Variants in DLG2 observed in about 807,000 individuals in gnomAD.
DLG2 encodes the protein disks large homolog 2.
Under a neutral mutation model 132.5 loss-of-function variants are expected in DLG2, and 45 were observed. The ratio of observed to expected loss-of-function variants is 0.34; its 90% CI spans 0.27 to 0.44. The LOEUF (loss-of-function observed/expected upper bound fraction) is 0.44, where lower values mean the gene tolerates loss of function less well. DLG2 is among the 20% of genes least tolerant of loss of function. The pLI, the probability that DLG2 is intolerant of heterozygous loss-of-function variation, is 1.00. For synonymous variants in DLG2, 424 were observed against 419.6 expected, an observed-to-expected ratio of 1.01 and a Z score of -0.13; for missense variants, 1,045 against 1,196.9, an observed-to-expected ratio of 0.87 and a Z score of 1.87.
chr11:83,729,924 G>A (rs1227891226), intron 18 of DLG2, among the ~76,000 whole-genome samples: 2 of 152,132 alleles, frequency 1.3e-5, no homozygotes, highest in African/African-American at 2.4e-5. Context: ...ACACAATAAC[G>A]TCAGATCAGA....
At chr11:85,461,869 T>C (rs2092626145) in intron 3 of DLG2, among the ~76,000 whole-genome samples, 1 of 152,098 alleles carries the variant, frequency 6.6e-6, no homozygotes, top group Non-Finnish European at 1.5e-5. Flanking sequence ...ACAGGCAACC[T>C]ACAGAATGGG....
At position 84,252,967 on chromosome 11, in the gene DLG2, T is replaced by C. The variant is rs755007476; in HGVS notation, c.520-1676A>G. Among the ~76,000 whole-genome samples the C allele has an allele frequency of 9.9e-5, 15 of 152,278 alleles. No homozygotes were observed. The Middle Eastern group carries it at 0.01, about 104-fold the overall frequency. ...ATTCTGTGGAATCCTAATCAAATGA[T>C]AAAACAAATAGCAATCCAGCAGGTT... On this transcript the variant is annotated intron_variant, in intron 7 of 27. Coordinates refer to ENST00000376104, the MANE Select transcript of DLG2 (RefSeq NM_001142699.3).
chr11:85,154,150 A>C (rs909141848), intron 5 of DLG2, among the ~76,000 whole-genome samples: 1 of 151,128 alleles, frequency 6.6e-6, no homozygotes. Context: ...AAAAAAAAAA[A>C]AAAAAAAAAA....
At chr11:85,583,057 AATAT>A (rs71995683) in intron 3 of DLG2, among the ~76,000 whole-genome samples, 11,967 of 101,432 alleles carry the variant, frequency 0.12, 952 homozygotes, top group East Asian at 0.27. Context: ...GGAAAAAAAA[AATAT>A]ATATATATAT....
chr11:84,092,655 C>T (rs915502543), intron 10 of DLG2, among the ~76,000 whole-genome samples: 14 of 152,112 alleles, frequency 9.2e-5, no homozygotes, highest in Admixed American at 9.2e-4. Flanking sequence ...CTTTAGTCTG[C>T]ACTGTCACTT....
At chr11:84,244,143 A>G (rs2097270862) in intron 8 of DLG2, among the ~76,000 whole-genome samples, 1 of 152,144 alleles carries the variant, frequency 6.6e-6, no homozygotes, top group South Asian at 2.1e-4. Flanking sequence ...TTAGAAATGC[A>G]GACTGACGCA....
chr11:85,610,939 T>A (rs1206736024), intron 2 of DLG2, among the ~76,000 whole-genome samples: 2 of 152,126 alleles, frequency 1.3e-5, no homozygotes, highest in African/African-American at 4.8e-5. Context: ...TATACTCTAA[T>A]CAAGGAGCCC....
chr11:85,021,103 T>C, intron 6 of DLG2: 1 of 779,752 alleles, frequency 1.3e-6, no homozygotes, highest in Non-Finnish European at 2.4e-6. Context: ...TCCTTCTTAA[T>C]TGCCTGAAGA....
intron 6 of DLG2, among the ~76,000 whole-genome samples, chr11:84,539,365 C>A (rs188180250): frequency 6.6e-6 from 1 of 152,298 alleles, no homozygotes; most frequent in East Asian, 1.9e-4. Flanking sequence ...TACACCCTGA[C>A]TAAGAATCAA....
intron 5 of DLG2, among the ~76,000 whole-genome samples, chr11:85,139,002 T>C (rs1011032989): frequency 5.9e-5 from 9 of 152,066 alleles, no homozygotes; most frequent in Non-Finnish European, 1.3e-4. Context: ...TGTTTTTCCC[T>C]GGATTTGCAC....
intron 6 of DLG2, among the ~76,000 whole-genome samples, chr11:84,884,331 A>T (rs1445882335): frequency 5.8e-5 from 3 of 51,534 alleles, no homozygotes; most frequent in East Asian, 7.8e-4. Flanking sequence ...AATGTAAAAC[A>T]AAACAAAACA....
intron 6 of DLG2, among the ~76,000 whole-genome samples, chr11:84,784,302 A>C (rs2153922269): frequency 6.8e-6 from 1 of 147,478 alleles, no homozygotes; most frequent in African/African-American, 2.5e-5. Flanking sequence ...CCTGGGCAAC[A>C]AGAGCGAAAC....
intron 6 of DLG2, among the ~76,000 whole-genome samples, chr11:84,834,391 G>C (rs1411101525): frequency 1.3e-5 from 2 of 151,494 alleles, no homozygotes; most frequent in African/African-American, 4.8e-5. Context: ...AACTTTAAAG[G>C]TAAACAGCTC....
chr11:83,782,421 G>A (rs2094867743), intron 18 of DLG2, among the ~76,000 whole-genome samples: 1 of 152,136 alleles, frequency 6.6e-6, no homozygotes, highest in African/African-American at 2.4e-5. Context: ...TGCTGTCTAG[G>A]AGCTCACTCG....
chr11:83,622,305 G>C (rs2061762160), intron 19 of DLG2, among the ~76,000 whole-genome samples: 1 of 152,182 alleles, frequency 6.6e-6, no homozygotes, highest in Non-Finnish European at 1.5e-5. Context: ...CAGGTCCTGG[G>C]CAACCCATTG....
intron 18 of DLG2, among the ~76,000 whole-genome samples, chr11:83,699,472 G>C (rs1256281708): frequency 1.3e-5 from 2 of 151,524 alleles, no homozygotes; most frequent in African/African-American, 4.9e-5. Context: ...TGAGGCAGGC[G>C]GATCACGAGG....
At chr11:84,881,958 T>A (rs2087419259) in intron 6 of DLG2, among the ~76,000 whole-genome samples, 1 of 152,134 alleles carries the variant, frequency 6.6e-6, no homozygotes, top group African/African-American at 2.4e-5. Flanking sequence ...TTAAAGTTCT[T>A]AATATACTTT....
intron 6 of DLG2, among the ~76,000 whole-genome samples, chr11:85,032,842 G>A (rs2061134665): frequency 6.6e-6 from 1 of 152,174 alleles, no homozygotes; most frequent in South Asian, 2.1e-4. Context: ...ACCAAGAAAT[G>A]ACTTGGATTC....
chr11:84,298,915 C>A (rs1295607209), intron 7 of DLG2, among the ~76,000 whole-genome samples: 1 of 152,066 alleles, frequency 6.6e-6, no homozygotes, highest in East Asian at 1.9e-4. Context: ...CAGATTGGGG[C>A]CAAATTGAAG....
Sources: gnomAD v4.1 joint callset for allele counts (sites outside exome capture counted in the v4.1 genomes callset) on GRCh38, gnomAD v4.1.1 for gene constraint, MANE v1.5 for transcripts, NCBI Gene and HGNC (gene_info 2026-07-23, HGNC 2026-07-21) for gene names.